Variants in MTMR12 observed in about 807,000 individuals in gnomAD.
The protein encoded by MTMR12 is myotubularin related protein 12.
In MTMR12, 33 loss-of-function variants were observed where a neutral mutation model predicts 96.7. That is an observed-to-expected ratio of 0.34 (90% confidence interval 0.26 to 0.46). MTMR12 has a LOEUF of 0.46. Ranked by LOEUF, MTMR12 falls within the 20% of genes least tolerant of loss-of-function variation. MTMR12 has a pLI of 1.00. For synonymous variants in MTMR12, 298 were observed against 327.2 expected (o/e 0.91, Z 0.96); for missense variants, 721 against 896.1 (o/e 0.80, Z 2.49).
intron 1 of MTMR12, among the ~76,000 whole-genome samples, chr5:32,285,906 C>T (rs1750524395): frequency 6.6e-6 from 1 of 152,184 alleles, no homozygotes; most frequent in Non-Finnish European, 1.5e-5. Flanking sequence ...CCCAAAATCA[C>T]AGGTCTCCAA....
Position 32,248,053 on chromosome 5 carries a change from G to A in MTMR12, c.970C>T (p.Leu324=). The A allele has an allele frequency of 6.2e-7, 1 of 1,613,958 alleles. No homozygotes were observed. The highest frequency in any genetic ancestry group is 8.5e-7 in the Non-Finnish European group (1 of 1,179,814). Residue 324 remains leucine, a synonymous_variant, in exon 10 of 16, where the codon CTG becomes TTG. Coordinates refer to ENST00000382142, the MANE Select transcript of MTMR12 (RefSeq NM_001040446.3). The part of the protein sequence containing the change: ...TEDLSSNFLS[L]QEIQTAYSKF... Reference sequence around the variant, plus strand: ...GAGTATGCAGTCTGGATTTCCTGCAGGGACAGGAAGTTGCTTGACAGGTCT... The same window carrying A: ...GAGTATGCAGTCTGGATTTCCTGCAAGGACAGGAAGTTGCTTGACAGGTCT...
At position 32,255,677 on chromosome 5, in the gene MTMR12, T is replaced by C. The variant is rs1161705087; in HGVS notation, c.789+16A>G. 1 of 1,600,180 alleles carries C rather than the reference T, an allele frequency of 6.2e-7. No individual in the cohort carries two copies. The highest frequency in any genetic ancestry group is 8.5e-7 in the Non-Finnish European group (1 of 1,172,010). ...ATGCACAACCCACACCTTTCAGGGTTCCCAGATGCACTTACTGGTATGCCA... is the reference window on the plus strand; with the variant it reads ...ATGCACAACCCACACCTTTCAGGGTCCCCAGATGCACTTACTGGTATGCCA... On this transcript the variant is annotated intron_variant, in intron 8 of 15. Transcript: ENST00000382142.
At position 32,239,179 on chromosome 5, in the gene MTMR12, A is replaced by G. The variant is rs1387751561; in HGVS notation, c.1172-6T>C. ...GAGGTCGGATGCATTCTCCTCTAGG[A>G]GAGGCCCCAGCAGCAGTGCAAAGAG... On this transcript the variant is annotated splice_region_variant and splice_polypyrimidine_tract_variant and intron_variant, in intron 12 of 15. Transcript: ENST00000382142. The G allele has an allele frequency of 2.5e-6, 4 of 1,576,372 alleles. No individual in the cohort carries two copies. Among genetic ancestry groups the G allele is most frequent in the Non-Finnish European group, 3.5e-6 (4 of 1,156,936 alleles).
chr5:32,297,582 T>C (rs1750977361), intron 1 of MTMR12, among the ~76,000 whole-genome samples: 1 of 151,154 alleles, frequency 6.6e-6, no homozygotes, highest in African/African-American at 2.4e-5. Flanking sequence ...GAAGAGAGTA[T>C]CTGCTCATTA....
chr5:32,306,084 A>G (rs13169905), intron 1 of MTMR12, among the ~76,000 whole-genome samples: 1 of 152,210 alleles, frequency 6.6e-6, no homozygotes, highest in African/African-American at 2.4e-5. Context: ...CTACTAGAGA[A>G]CACTACTAAG....
chr5:32,293,870 C>G (rs1431014804), intron 1 of MTMR12, among the ~76,000 whole-genome samples: 1 of 152,190 alleles, frequency 6.6e-6, no homozygotes, highest in African/African-American at 2.4e-5. Context: ...AAAATCAGCT[C>G]ATCGCCACCC....
intron 5 of MTMR12, among the ~76,000 whole-genome samples, chr5:32,270,289 C>T (rs1348521391): frequency 6.6e-6 from 1 of 152,172 alleles, no homozygotes; most frequent in African/African-American, 2.4e-5. Context: ...AGTTGCATAT[C>T]TCAACTTGCT....
chr5:32,237,378 C>T (rs1430464897), intron 13 of MTMR12, among the ~76,000 whole-genome samples: 1 of 152,214 alleles, frequency 6.6e-6, no homozygotes, highest in Non-Finnish European at 1.5e-5. Flanking sequence ...AATGCTAACT[C>T]TCCTGTGCCT....
chr5:32,251,404 C>T (rs376485672), intron 8 of MTMR12, among the ~76,000 whole-genome samples: 2 of 152,082 alleles, frequency 1.3e-5, no homozygotes, highest in African/African-American at 4.8e-5. Flanking sequence ...TGAAGGAGGT[C>T]AGCAGGCCAA....
chr5:32,292,613 T>C (rs972815625), intron 1 of MTMR12, among the ~76,000 whole-genome samples: 1 of 152,190 alleles, frequency 6.6e-6, no homozygotes, highest in Admixed American at 6.5e-5. Context: ...AGAGTATGCA[T>C]GGAATACAGG....
In MTMR12 at chr5:32,229,982, CT is replaced by C; in HGVS notation, c.2039del (p.Glu680GlyfsTer17). ...GGGGGGCCTGCTGGCTGTGGTGTCTCTCGTCGATCTTCTCTTGTAAACTCTG... is the reference window on the plus strand; with the variant it reads ...GGGGGGCCTGCTGGCTGTGGTGTCTCCGTCGATCTTCTCTTGTAAACTCTG... ...EVQSLQEKID[E>X]RHHSQQAPQA... is the part of the protein sequence containing the mutation. On this transcript the variant is annotated frameshift_variant, in exon 16 of 16. Transcript: ENST00000382142. LOFTEE classifies it high-confidence loss of function. 1 of 1,612,500 alleles carries C rather than the reference CT, an allele frequency of 6.2e-7. No homozygotes were observed. Among genetic ancestry groups the C allele is most frequent in the Non-Finnish European group, 8.5e-7 (1 of 1,178,760 alleles).
At chr5:32,248,638 A>T in intron 9 of MTMR12, 134 bp downstream of exon 9, 1 of 646,252 alleles carries the variant, frequency 1.5e-6, no homozygotes, top group Non-Finnish European at 2.7e-6. Context: ...ACTCAAAATG[A>T]TCACTGTTAA....
chr5:32,294,107 C>A (rs1187029073), intron 1 of MTMR12, among the ~76,000 whole-genome samples: 1 of 152,162 alleles, frequency 6.6e-6, no homozygotes, highest in Non-Finnish European at 1.5e-5. Context: ...CTGGCCCCTA[C>A]TGCATCCTCT....
At chr5:32,264,848 C>T (rs1336476134) in intron 6 of MTMR12, among the ~76,000 whole-genome samples, 3 of 151,966 alleles carry the variant, frequency 2.0e-5, no homozygotes, top group Non-Finnish European at 2.9e-5. Context: ...ACAGATATAG[C>T]ACAGAAAGGT....
Position 32,230,046 on chromosome 5 carries a change from G to C in MTMR12, c.1976C>G (p.Ala659Gly), listed in dbSNP as rs369804088. 10 of 1,613,446 alleles carry C rather than the reference G, an allele frequency of 6.2e-6. No homozygotes were observed. Among genetic ancestry groups the C allele is most frequent in the Middle Eastern group, 1.7e-4 (1 of 6,058 alleles). The part of the protein sequence containing the change: ...EAQILGGGQV[A>G]TLSKLLEMME... ...CATTTCCAAGAGTTTGCTCAGAGTG[G>C]CCACTTGGCCACCACCTAGGATTTG... The change falls in exon 16 of 16, where the codon GCC (alanine) becomes GGC (glycine). Residue 659 changes from alanine to glycine, a missense_variant. Ala to Gly is a moderately conservative substitution (Grantham distance 60). Coordinates refer to ENST00000382142, the MANE Select transcript of MTMR12 (RefSeq NM_001040446.3).
intron 6 of MTMR12, among the ~76,000 whole-genome samples, chr5:32,263,590 AC>A (rs1276782362): frequency 6.6e-6 from 1 of 152,094 alleles, no homozygotes; most frequent in Non-Finnish European, 1.5e-5. Flanking sequence ...GGAACGCACC[AC>A]CACATATGGC....
Position 32,233,872 on chromosome 5 carries a change from C to T in MTMR12, c.1575G>A (p.Ser525=), listed in dbSNP as rs756109795. ...PLNLLTVWDW[S]VQFEPKAQTL... ...TCTGGGCTTTGGGTTCAAACTGCAC[C>T]GACCAATCCCACACGGTGAGCAGAT... The change falls in exon 15 of 16, where the codon TCG becomes TCA. Residue 525 remains serine, a synonymous_variant. Transcript: ENST00000382142. This position sits in a 1 kb window ranked among gnomAD's most constrained non-coding sequence, Gnocchi z 5.0. 1.6e-5 allele frequency: 26 copies of T among 1,614,016 alleles called. No individual in the cohort carries two copies. Among genetic ancestry groups the T allele is most frequent in the Middle Eastern group, 3.3e-4 (2 of 6,084 alleles).
Position 32,233,981 on chromosome 5 carries a change from G to C in MTMR12, c.1513-47C>G, listed in dbSNP as rs1561736894. The C allele has an allele frequency of 6.2e-7, 1 of 1,609,542 alleles. No homozygotes were observed. The highest frequency in any genetic ancestry group is 1.7e-4 in the Middle Eastern group (1 of 6,038). ...ATGCTGTTTTCCAGGGAGGGCTGAG[G>C]AAGGCAAACACATACTTCTGGACAC... On this transcript the variant is annotated intron_variant, in intron 14 of 15. Transcript: ENST00000382142. The surrounding 1 kb of genome is among the most constrained non-coding windows in gnomAD (Gnocchi z 5.0).
intron 1 of MTMR12, among the ~76,000 whole-genome samples, chr5:32,306,569 A>G (rs1008459486): frequency 6.6e-6 from 1 of 152,058 alleles, no homozygotes; most frequent in African/African-American, 2.4e-5. Context: ...CCATATATAT[A>G]TATTTTTTAC....
Sources: gnomAD v4.1 joint callset for allele counts (sites outside exome capture counted in the v4.1 genomes callset) on GRCh38, gnomAD v4.1.1 for gene constraint, Gnocchi (gnomAD v3.1) non-coding constraint, MANE v1.5 for transcripts, NCBI Gene and HGNC (gene_info 2026-07-23, HGNC 2026-07-21) for gene names.